WDR7: variants seen among roughly 807,000 people sequenced by gnomAD.
WDR7 encodes the protein WD repeat-containing protein 7.
A neutral mutation model predicts 169.4 loss-of-function variants in WDR7; 46 were observed. The observed-to-expected ratio is 0.27, with a 90% CI of 0.21 to 0.35. The LOEUF is 0.35. Ranked by LOEUF, WDR7 falls within the 10% of genes least tolerant of loss-of-function variation. The pLI, the probability that WDR7 is intolerant of heterozygous loss-of-function variation, is 1.00. For missense variants in WDR7, 1,534 were observed against 1,859.3 expected (o/e 0.83, Z 3.22); for synonymous variants, 612 against 666.8 (o/e 0.92, Z 1.27).
intron 25 of WDR7, among the ~76,000 whole-genome samples, chr18:56,949,794 T>C (rs961612786): frequency 2.6e-5 from 4 of 152,226 alleles, no homozygotes; most frequent in Non-Finnish European, 4.4e-5. Context: ...CTTCGGAGAA[T>C]GTTGGTCCAC....
chr18:56,696,357 T>C lies in WDR7; in HGVS notation c.1473T>C (p.Asp491=). The C allele has an allele frequency of 6.2e-7, 1 of 1,614,146 alleles. No homozygotes were observed. Among genetic ancestry groups the C allele is most frequent in the Non-Finnish European group, 8.5e-7 (1 of 1,180,030 alleles). The change falls in exon 12 of 28, where the codon GAT becomes GAC. Residue 491 remains aspartate, a synonymous_variant. Transcript: ENST00000254442. ...DQRYLISGGV[D]FSVIIWDIFS... ...GATACCTGATATCTGGAGGTGTGGA[T>C]TTTTCAGTCATAATTTGGGACATAT...
intron 16 of WDR7, among the ~76,000 whole-genome samples, chr18:56,764,301 A>G (rs1333012732): frequency 6.6e-6 from 1 of 152,110 alleles, no homozygotes; most frequent in Non-Finnish European, 1.5e-5. Context: ...TAATTTCCAA[A>G]CACTTGTGGA....
chr18:56,893,057 C>T (rs1446477888), intron 21 of WDR7, among the ~76,000 whole-genome samples: 1 of 151,752 alleles, frequency 6.6e-6, no homozygotes, highest in Non-Finnish European at 1.5e-5. Context: ...TGGTACAAGA[C>T]TCTTTCTGCC....
intron 26 of WDR7, among the ~76,000 whole-genome samples, chr18:56,991,413 A>G (rs141200613): frequency 0.029 from 4,360 of 152,228 alleles, 87 homozygotes; most frequent in Non-Finnish European, 0.045. Flanking sequence ...CCAAAGTGCT[A>G]GGATTACAGG....
At chr18:56,954,715 G>T (rs960022391) in intron 25 of WDR7, among the ~76,000 whole-genome samples, 1 of 151,968 alleles carries the variant, frequency 6.6e-6, no homozygotes, top group African/African-American at 2.4e-5. Flanking sequence ...TTTAAAATTG[G>T]ATATATATTA....
chr18:56,911,541 A>G (rs1169760891), intron 21 of WDR7, among the ~76,000 whole-genome samples: 1 of 152,180 alleles, frequency 6.6e-6, no homozygotes, highest in Admixed American at 6.5e-5. Context: ...TTTCTCCTAC[A>G]CTTACTCTAG....
intron 13 of WDR7, among the ~76,000 whole-genome samples, chr18:56,729,793 T>C (rs1029605628): frequency 6.6e-6 from 1 of 152,206 alleles, no homozygotes; most frequent in African/African-American, 2.4e-5. Flanking sequence ...GTTTTAAATT[T>C]AATAGAATTT....
chr18:57,008,196 C>T (rs534289286), intron 26 of WDR7, among the ~76,000 whole-genome samples: 39 of 152,098 alleles, frequency 2.6e-4, no homozygotes, highest in Non-Finnish European at 4.7e-4. Context: ...CCACCAGCCC[C>T]GCTTGCCCTC....
At chr18:56,712,027 G>C (rs1244781095) in intron 12 of WDR7, among the ~76,000 whole-genome samples, 17 of 152,126 alleles carry the variant, frequency 1.1e-4, no homozygotes, top group Admixed American at 1.1e-3. Context: ...CAGGCCAAGA[G>C]AAAAATTGTT....
At chr18:56,930,473 A>G (rs1041664447) in intron 22 of WDR7, among the ~76,000 whole-genome samples, 2 of 151,930 alleles carry the variant, frequency 1.3e-5, no homozygotes, top group South Asian at 4.1e-4. Flanking sequence ...TCCTATTAGC[A>G]TAGTTTTTAT....
At chr18:56,993,062 A>G (rs758902703) in intron 26 of WDR7, among the ~76,000 whole-genome samples, 7 of 152,318 alleles carry the variant, frequency 4.6e-5, no homozygotes, top group Middle Eastern at 6.8e-3. Context: ...CTGGTAATTG[A>G]CTATATATTA....
At chr18:56,803,215 A>G (rs549891071) in intron 19 of WDR7, among the ~76,000 whole-genome samples, 1 of 152,354 alleles carries the variant, frequency 6.6e-6, no homozygotes, top group South Asian at 2.1e-4. Flanking sequence ...TATTACTGTG[A>G]TAAGTTATTG....
At chr18:57,030,199 G>A (rs2048431275), downstream of WDR7, 1 of 152,172 alleles carries the variant, frequency 6.6e-6, no homozygotes, top group Admixed American at 6.5e-5. Flanking sequence ...CAGGTAAAGG[G>A]TATAATTGGT....
chr18:57,033,930 C>T (rs1328912457), downstream of WDR7: 1 of 152,074 alleles, frequency 6.6e-6, no homozygotes, highest in Non-Finnish European at 1.5e-5. Context: ...GGGAGGATCA[C>T]TTGAGGTCAG....
chr18:56,756,552 T>G, intron 14 of WDR7, 31 bp from the exon 15 acceptor site: 1 of 1,492,664 alleles, frequency 6.7e-7, no homozygotes, highest in Admixed American at 2.2e-5. Context: ...CACTTTTAAT[T>G]ATAACTATCT....
intron 21 of WDR7, among the ~76,000 whole-genome samples, chr18:56,886,637 G>T (rs1256801592): frequency 1.3e-5 from 2 of 152,294 alleles, no homozygotes; most frequent in Middle Eastern, 3.4e-3. Context: ...TACTAACATT[G>T]AATGTAAATG....
intron 2 of WDR7, among the ~76,000 whole-genome samples, chr18:56,673,556 AGGCATGGTGGCTCATGCCT>A (rs2025180826): frequency 6.6e-6 from 1 of 152,144 alleles, no homozygotes; most frequent in Non-Finnish European, 1.5e-5. Context: ...CTCCTGGGCC[AGGCATGGTGGCTCATGCCT>A]GTAATCCCAG....
At chr18:56,795,933 C>T (rs1326973317) in intron 19 of WDR7, among the ~76,000 whole-genome samples, 2 of 152,084 alleles carry the variant, frequency 1.3e-5, no homozygotes, top group Non-Finnish European at 2.9e-5. Flanking sequence ...ATTATATTAG[C>T]TAATATCTCC....
intron 20 of WDR7, among the ~76,000 whole-genome samples, chr18:56,823,467 T>A (rs1315661328): frequency 2.0e-5 from 3 of 152,086 alleles, no homozygotes; most frequent in Non-Finnish European, 4.4e-5. Context: ...GTGCCTTTAA[T>A]CCCAGCTACT....
Sources: gnomAD v4.1 joint callset for allele counts (sites outside exome capture counted in the v4.1 genomes callset) on GRCh38, gnomAD v4.1.1 for gene constraint, MANE v1.5 for transcripts, NCBI Gene and HGNC (gene_info 2026-07-23, HGNC 2026-07-21) for gene names.